IGSF21: variants seen among roughly 807,000 people sequenced by gnomAD.
IGSF21 encodes immunoglobulin superfamily member 21.
A neutral mutation model predicts 46.8 loss-of-function variants in IGSF21; 28 were observed. The observed-to-expected ratio is 0.60, with a 90% CI of 0.44 to 0.82. The LOEUF is 0.82. Among genes scored for constraint, IGSF21 ranks in the 40% least tolerant of loss-of-function variants. The pLI is 0.00. For missense variants in IGSF21, 624 were observed against 665.5 expected, an observed-to-expected ratio of 0.94 and a Z score of 0.69; for synonymous variants, 284 against 273.6, an observed-to-expected ratio of 1.04 and a Z score of -0.38.
At chr1:18,162,961 A>C (rs1354955398) in intron 1 of IGSF21, among the ~76,000 whole-genome samples, 1 of 152,172 alleles carries the variant, frequency 6.6e-6, no homozygotes, top group Non-Finnish European at 1.5e-5. Flanking sequence ...TTCTGTGAAC[A>C]GTGATGGTGT....
At position 18,337,820 on chromosome 1, in the gene IGSF21, C is replaced by T. The variant is rs145415385; in HGVS notation, c.424+2810C>T. Reference sequence around the variant, plus strand: ...ACATCATCCAATCCTCACTGCAGATCGGCGCGTGGGGGATTACTATTATCT... The same window carrying T: ...ACATCATCCAATCCTCACTGCAGATTGGCGCGTGGGGGATTACTATTATCT... On this transcript the variant is annotated intron_variant, in intron 4 of 9. Coordinates refer to ENST00000251296, the MANE Select transcript of IGSF21 (RefSeq NM_032880.5). The surrounding 1 kb of genome is among the most constrained non-coding windows in gnomAD (Gnocchi z 5.7). Among the ~76,000 whole-genome samples the T allele has an allele frequency of 1.2e-4, 19 of 152,262 alleles. No homozygotes were observed. Among genetic ancestry groups the T allele is most frequent in the Non-Finnish European group, 2.1e-4 (14 of 68,018 alleles).
chr1:18,348,054 A>C (rs746240321), intron 4 of IGSF21, among the ~76,000 whole-genome samples: 2 of 152,244 alleles, frequency 1.3e-5, no homozygotes, highest in Non-Finnish European at 2.9e-5. Flanking sequence ...ACTTAAATAT[A>C]TAAATTCATT....
chr1:18,239,686 T>A (rs2084706557), intron 2 of IGSF21, among the ~76,000 whole-genome samples: 1 of 152,120 alleles, frequency 6.6e-6, no homozygotes, highest in African/African-American at 2.4e-5. Flanking sequence ...TGTCTCTGCG[T>A]GCAATGCCCT....
intron 6 of IGSF21, 111 bp from the exon 7 acceptor site, chr1:18,376,199 A>C: frequency 1.3e-6 from 1 of 786,338 alleles, no homozygotes; most frequent in East Asian, 2.5e-5. Flanking sequence ...TGAGCTTCTC[A>C]CAGAAGCAGC....
intron 2 of IGSF21, among the ~76,000 whole-genome samples, chr1:18,252,077 G>A (rs2084848299): frequency 9.1e-6 from 1 of 110,092 alleles, no homozygotes; most frequent in Non-Finnish European, 1.7e-5. Context: ...TTGAGATGGA[G>A]TCTCCCTCTG....
intron 2 of IGSF21, among the ~76,000 whole-genome samples, chr1:18,243,160 A>G (rs1027025980): frequency 2.0e-5 from 3 of 152,176 alleles, no homozygotes; most frequent in African/African-American, 7.2e-5. Flanking sequence ...ACACAAAAGC[A>G]TCATCATTCG....
chr1:18,329,612 G>A (rs964333460), intron 3 of IGSF21, among the ~76,000 whole-genome samples: 15 of 152,184 alleles, frequency 9.9e-5, no homozygotes, highest in Admixed American at 7.9e-4. Flanking sequence ...CCCTGGAGAG[G>A]TGGAGATGAA....
At chr1:18,127,677 C>T (rs1342087189) in intron 1 of IGSF21, among the ~76,000 whole-genome samples, 1 of 152,094 alleles carries the variant, frequency 6.6e-6, no homozygotes, top group Non-Finnish European at 1.5e-5. Context: ...CCAAGGTGGG[C>T]AGATTGCTTG....
chr1:18,319,477 A>T (rs2085577791), intron 3 of IGSF21, among the ~76,000 whole-genome samples: 1 of 151,956 alleles, frequency 6.6e-6, no homozygotes, highest in Admixed American at 6.6e-5. Context: ...ATAGCTGCTG[A>T]ATTGTTTAAC....
At chr1:18,142,271 C>A (rs1206368333) in intron 1 of IGSF21, among the ~76,000 whole-genome samples, 2 of 152,132 alleles carry the variant, frequency 1.3e-5, no homozygotes, top group Non-Finnish European at 2.9e-5. Context: ...CCTTAATCCT[C>A]ACAACAGCCT....
At chr1:18,341,845 G>A (rs7517220) in intron 4 of IGSF21, among the ~76,000 whole-genome samples, 14,446 of 152,206 alleles carry the variant, frequency 0.095, 870 homozygotes, top group Middle Eastern at 0.14. Flanking sequence ...AAGCTTCCAA[G>A]TGAGGTTGGC....
intron 4 of IGSF21, among the ~76,000 whole-genome samples, chr1:18,350,790 C>T (rs1340680115): frequency 1.3e-5 from 2 of 152,196 alleles, no homozygotes; most frequent in Non-Finnish European, 2.9e-5. Context: ...CTCGGGAAAT[C>T]AATCCTAAAA....
intron 2 of IGSF21, among the ~76,000 whole-genome samples, chr1:18,279,292 A>G (rs903137953): frequency 6.6e-6 from 1 of 152,218 alleles, no homozygotes; most frequent in Non-Finnish European, 1.5e-5. Context: ...AATTTAAGGT[A>G]TATGGCTCCT....
rs1160356187 is a variant in IGSF21, at chr1:18,273,452, TTC to T, written c.184-18412_184-18411del. ...TTCCTTTCTTTCTTTCTCACTTTCT[TTC>T]TTTCTCTCTCTTTCTTTCTTTCTTT... On this transcript the variant is annotated intron_variant, in intron 2 of 9. Transcript: ENST00000251296. Among the ~76,000 whole-genome samples, 3 of 99,742 alleles carry T rather than the reference TTC, an allele frequency of 3.0e-5. 1 individual carries two copies. Among genetic ancestry groups the T allele is most frequent in the Non-Finnish European group, 6.0e-5 (3 of 49,952 alleles). 65.4% of individuals were successfully genotyped at this position (99,742 alleles called of 152,430 possible). A position where few individuals can be genotyped will look rare whatever the true frequency, so the allele number is the denominator to read the frequency against.
At chr1:18,146,433 A>G (rs996786360) in intron 1 of IGSF21, among the ~76,000 whole-genome samples, 7 of 151,700 alleles carry the variant, frequency 4.6e-5, no homozygotes, top group Non-Finnish European at 7.4e-5. Context: ...GAGTCATTTC[A>G]CTCTCAGGAG....
chr1:18,158,992 T>C (rs1370385280), intron 1 of IGSF21, among the ~76,000 whole-genome samples: 1 of 152,136 alleles, frequency 6.6e-6, no homozygotes, highest in East Asian at 1.9e-4. Flanking sequence ...GGGGCTCTGC[T>C]AGGGTGGCAC....
intron 3 of IGSF21, among the ~76,000 whole-genome samples, chr1:18,329,858 C>T (rs147874280): frequency 1.3e-5 from 2 of 152,202 alleles, no homozygotes; most frequent in South Asian, 2.1e-4. Context: ...CAGTGCCCAG[C>T]GCTTGCATGG....
At chr1:18,206,140 G>T (rs959479987) in intron 1 of IGSF21, among the ~76,000 whole-genome samples, 6 of 152,200 alleles carry the variant, frequency 3.9e-5, no homozygotes, top group African/African-American at 1.4e-4. Context: ...AGAGAGAGAG[G>T]TTAGCTGGGA....
chr1:18,108,089 AC>A lies in IGSF21; in HGVS notation c.-35del, dbSNP rs1281370464. 4.8e-6 allele frequency: 5 copies of A among 1,035,388 alleles called. No individual in the cohort carries two copies. Among genetic ancestry groups the A allele is most frequent in the Non-Finnish European group, 6.6e-6 (5 of 761,688 alleles). 64.1% of individuals were successfully genotyped at this position (1,035,388 alleles called of 1,614,324 possible). On this transcript the variant is annotated 5_prime_UTR_variant, in exon 1 of 10. Transcript: ENST00000251296. ...GAGGGGACCCGCCGCCACCGCCTCCACCCCCGCCGCCCCGCCACCGCCGCCA... is the reference window on the plus strand; with the variant it reads ...GAGGGGACCCGCCGCCACCGCCTCCACCCCGCCGCCCCGCCACCGCCGCCA...
Sources: gnomAD v4.1 joint callset for allele counts (sites outside exome capture counted in the v4.1 genomes callset) on GRCh38, gnomAD v4.1.1 for gene constraint, Gnocchi (gnomAD v3.1) non-coding constraint, MANE v1.5 for transcripts, NCBI Gene and HGNC (gene_info 2026-07-23, HGNC 2026-07-21) for gene names.